DOCK10: variants seen among roughly 807,000 people sequenced by gnomAD.
DOCK10 encodes dedicator of cytokinesis 10, also known as dedicator of cytokinesis protein 10.
Under a neutral mutation model 280.1 loss-of-function variants are expected in DOCK10, and 145 were observed. The ratio of observed to expected loss-of-function variants is 0.52; its 90% confidence interval spans 0.45 to 0.59. DOCK10 has a LOEUF of 0.59. Among genes scored for constraint, DOCK10 ranks in the 20% least tolerant of loss-of-function variants. The probability of loss-of-function intolerance (pLI) is 0.00; values close to 1 mark genes in which losing one functional copy is unlikely to be tolerated. For synonymous variants in DOCK10, 915 were observed against 942.2 expected (o/e 0.97, Z 0.53); for missense variants, 2,368 against 2,651.7 (o/e 0.89, Z 2.35).
intron 1 of DOCK10, among the ~76,000 whole-genome samples, chr2:225,025,256 T>C (rs1319041896): frequency 6.6e-6 from 1 of 152,160 alleles, no homozygotes; most frequent in Non-Finnish European, 1.5e-5. Context: ...ATTAAAGGGC[T>C]GTGGCTTAAA....
chr2:225,001,347 T>C (rs923494798), intron 1 of DOCK10, among the ~76,000 whole-genome samples: 1 of 148,020 alleles, frequency 6.8e-6, no homozygotes, highest in Non-Finnish European at 1.5e-5. Flanking sequence ...TGGAGTGCAG[T>C]GGCTTGATCT....
At chr2:224,801,747 T>C (rs1693028994) in intron 40 of DOCK10, among the ~76,000 whole-genome samples, 169 bp downstream of exon 40, 1 of 152,126 alleles carries the variant, frequency 6.6e-6, no homozygotes, top group Non-Finnish European at 1.5e-5. Context: ...TTCTTCACCA[T>C]AGGGCACTAC....
At chr2:224,870,895 C>T (rs1057339107) in intron 11 of DOCK10, among the ~76,000 whole-genome samples, 11 of 132,940 alleles carry the variant, frequency 8.3e-5, no homozygotes, top group Non-Finnish European at 1.4e-4. Flanking sequence ...GGCATGATCT[C>T]GGCTTACTGC....
At chr2:224,977,738 T>G (rs1705520204) in intron 1 of DOCK10, among the ~76,000 whole-genome samples, 1 of 152,234 alleles carries the variant, frequency 6.6e-6, no homozygotes, top group South Asian at 2.1e-4. Flanking sequence ...GATTCATGTG[T>G]TTCTTTTAAA....
At position 224,804,182 on chromosome 2, in the gene DOCK10, A is replaced by G. The variant is rs968356848; in HGVS notation, c.4198T>C (p.Ser1400Pro). ...KIAAAFKFVQ[S>P]TQNNGTLKGS... is the part of the protein sequence containing the mutation. ...TTGAGAGTTCCATTGTTCTGGGTGG[A>G]CTGCACAAATTTAAATGCAGCAGCA... Residue 1400 changes from serine to proline, a missense_variant, in exon 39 of 56, where the codon TCC becomes CCC. Coordinates refer to ENST00000258390, the MANE Select transcript of DOCK10 (RefSeq NM_014689.3). The G allele has an allele frequency of 6.2e-7, 1 of 1,611,816 alleles. No individual in the cohort carries two copies. The highest frequency in any genetic ancestry group is 1.7e-5 in the Admixed American group (1 of 59,756).
At chr2:224,815,392 A>C (rs951773630) in intron 30 of DOCK10, among the ~76,000 whole-genome samples, 2 of 152,194 alleles carry the variant, frequency 1.3e-5, no homozygotes, top group African/African-American at 4.8e-5. Flanking sequence ...ACTGAAATAA[A>C]AATGACCAAA....
At chr2:224,809,370 T>C (rs1032306121) in intron 31 of DOCK10, among the ~76,000 whole-genome samples, 6 of 152,166 alleles carry the variant, frequency 3.9e-5, no homozygotes, top group Non-Finnish European at 5.9e-5. Flanking sequence ...TAAAAGTTTC[T>C]GGACAGCAAA....
At position 224,921,107 on chromosome 2, in the gene DOCK10, A is replaced by AT. The variant is rs1559767599; in HGVS notation, c.244-4324_244-4323insA. On this transcript the variant is annotated intron_variant, in intron 2 of 55. Transcript: ENST00000258390. ...CCGTCTCTATTAAAAAAAAAAAAAA[A>AT]AAAAAATATATATATATATATATAT... 2.1e-3 allele frequency among the ~76,000 whole-genome samples: 144 copies of AT among 68,328 alleles called. 1 individual carries two copies. Among genetic ancestry groups the AT allele is most frequent in the African/African-American group, 8.0e-3 (128 of 15,950 alleles). 44.8% of individuals were successfully genotyped at this position (68,328 alleles called of 152,430 possible).
At chr2:224,776,433 C>A (rs1690869185) in intron 51 of DOCK10, among the ~76,000 whole-genome samples, 1 of 151,916 alleles carries the variant, frequency 6.6e-6, no homozygotes, top group African/African-American at 2.4e-5. Flanking sequence ...TTTTCTCATC[C>A]CCCCACGCTG....
chr2:224,830,419 T>G, intron 27 of DOCK10, 122 bp downstream of exon 27: 1 of 490,226 alleles, frequency 2.0e-6, no homozygotes, highest in Non-Finnish European at 3.4e-6. Context: ...ATAAAGTAAT[T>G]ATTGTAAACT....
At chr2:224,878,047 A>G (rs771382414) in intron 7 of DOCK10, among the ~76,000 whole-genome samples, 2 of 152,232 alleles carry the variant, frequency 1.3e-5, no homozygotes, top group Admixed American at 6.5e-5. Context: ...TGAGATCAAT[A>G]GTGTGGGATT....
intron 47 of DOCK10, among the ~76,000 whole-genome samples, chr2:224,791,545 A>C (rs941611793): frequency 6.6e-6 from 1 of 150,854 alleles, no homozygotes; most frequent in Non-Finnish European, 1.5e-5. Flanking sequence ...GCTCGCTGCA[A>C]CCTCCACCTC....
intron 50 of DOCK10, chr2:224,784,749 C>T (rs939636799): frequency 7.8e-7 from 1 of 1,289,756 alleles, no homozygotes; most frequent in Admixed American, 2.3e-5. Context: ...CAGCCTGGAA[C>T]AATCAAGACC....
intron 53 of DOCK10, among the ~76,000 whole-genome samples, chr2:224,772,252 G>A (rs1179012496): frequency 6.6e-6 from 1 of 152,120 alleles, no homozygotes; most frequent in Non-Finnish European, 1.5e-5. Flanking sequence ...ATATAGCTGT[G>A]CAGGGTGCCA....
chr2:224,898,778 T>C (rs894224343), intron 3 of DOCK10, among the ~76,000 whole-genome samples: 3 of 152,134 alleles, frequency 2.0e-5, no homozygotes, highest in Non-Finnish European at 4.4e-5. Context: ...GGGTTCACCG[T>C]GTTAGCCAGG....
intron 2 of DOCK10, among the ~76,000 whole-genome samples, chr2:224,923,168 T>A (rs1176956205): frequency 6.6e-6 from 1 of 152,212 alleles, no homozygotes; most frequent in African/African-American, 2.4e-5. Flanking sequence ...TTTGCTGGGG[T>A]TGAACTGTAT....
At chr2:225,036,988 T>G (rs1559988914) in intron 1 of DOCK10, among the ~76,000 whole-genome samples, 1 of 152,176 alleles carries the variant, frequency 6.6e-6, no homozygotes, top group Non-Finnish European at 1.5e-5. Context: ...TGTAAGATAC[T>G]TAGGATCCCT....
intron 1 of DOCK10, among the ~76,000 whole-genome samples, chr2:224,941,716 C>T (rs186906672): frequency 9.2e-5 from 14 of 151,962 alleles, no homozygotes; most frequent in Middle Eastern, 3.4e-3. Context: ...TGGTGGCATG[C>T]GCCTGCAATC....
intron 1 of DOCK10, among the ~76,000 whole-genome samples, chr2:225,038,201 G>A (rs1690318382): frequency 6.6e-6 from 1 of 151,966 alleles, no homozygotes; most frequent in African/African-American, 2.4e-5. Context: ...CAAAACAAGT[G>A]CTTCACTTTC....
Sources: gnomAD v4.1 joint callset for allele counts (sites outside exome capture counted in the v4.1 genomes callset) on GRCh38, gnomAD v4.1.1 for gene constraint, MANE v1.5 for transcripts, NCBI Gene and HGNC (gene_info 2026-07-23, HGNC 2026-07-21) for gene names.